The following B4GALNT2 variants were observed in gnomAD, a reference collection of about 807,000 sequenced individuals.
B4GALNT2 encodes the protein N-acetylneuraminylgalactosylglucosyl-glucoside beta-1,4-N- acetylgalactosaminyltransferase 2.
In B4GALNT2, 42 loss-of-function variants were observed where a neutral mutation model predicts 51.1. The observed-to-expected ratio is 0.82, with a 90% CI of 0.64 to 1.06. The LOEUF (loss-of-function observed/expected upper bound fraction) is 1.06, where lower values mean the gene tolerates loss of function less well. B4GALNT2 is among the 50% of genes least tolerant of loss of function. The pLI is 0.00. For missense variants in B4GALNT2, 602 were observed against 633.6 expected, an observed-to-expected ratio of 0.95 and a Z score of 0.54; for synonymous variants, 253 against 251.7, an observed-to-expected ratio of 1.01 and a Z score of -0.05.
chr17:49,157,148 T>G (rs1438610181), intron 5 of B4GALNT2, among the ~76,000 whole-genome samples: 1 of 151,804 alleles, frequency 6.6e-6, no homozygotes, highest in East Asian at 1.9e-4. Flanking sequence ...CACCATGGAG[T>G]TCTTGTTTCT....
chr17:49,159,641 G>A (rs897562570), intron 6 of B4GALNT2, among the ~76,000 whole-genome samples: 1 of 152,118 alleles, frequency 6.6e-6, no homozygotes, highest in African/African-American at 2.4e-5. Flanking sequence ...CGTCTGGCCT[G>A]CCTGCCTGCT....
intron 3 of B4GALNT2, among the ~76,000 whole-genome samples, chr17:49,147,997 A>T (rs921492238): frequency 2.0e-5 from 3 of 150,646 alleles, no homozygotes; most frequent in African/African-American, 7.4e-5. Context: ...TCAGATTATA[A>T]GTTTATTCAA....
At chr17:49,132,872 C>A in intron 1 of B4GALNT2, 66 bp downstream of exon 1, 1 of 1,368,836 alleles carries the variant, frequency 7.3e-7, no homozygotes, top group East Asian at 3.1e-5. Flanking sequence ...GCCGCGGGTC[C>A]TTTCTGGCGT....
At chr17:49,160,166 A>G (rs2144326783) in intron 6 of B4GALNT2, among the ~76,000 whole-genome samples, 1 of 152,352 alleles carries the variant, frequency 6.6e-6, no homozygotes, top group African/African-American at 2.4e-5. Context: ...CCCTACCTTC[A>G]GATTTTCAAA....
intron 9 of B4GALNT2, 83 bp from the exon 10 acceptor site, chr17:49,168,598 G>A (rs868363658): frequency 3.2e-6 from 4 of 1,266,182 alleles, no homozygotes; most frequent in Non-Finnish European, 4.5e-6. Flanking sequence ...TATAACCGAG[G>A]TGCAGTCCAG....
chr17:49,155,973 C>T (rs996502608), intron 4 of B4GALNT2, among the ~76,000 whole-genome samples: 1 of 152,014 alleles, frequency 6.6e-6, no homozygotes, highest in Non-Finnish European at 1.5e-5. Context: ...GTGATCCGCC[C>T]GCCTCGGCCT....
At chr17:49,162,560 A>G (rs2042874429) in intron 7 of B4GALNT2, among the ~76,000 whole-genome samples, 1 of 152,094 alleles carries the variant, frequency 6.6e-6, no homozygotes, top group Admixed American at 6.5e-5. Flanking sequence ...TCCTACAGAT[A>G]TTTATATCTG....
At chr17:49,161,010 C>T (rs924021583) in intron 7 of B4GALNT2, among the ~76,000 whole-genome samples, 3 of 152,166 alleles carry the variant, frequency 2.0e-5, no homozygotes, top group East Asian at 3.8e-4. Flanking sequence ...CGCAGTGACT[C>T]ATGCCTGTAA....
intron 1 of B4GALNT2, among the ~76,000 whole-genome samples, chr17:49,138,097 G>C (rs1281064940): frequency 6.6e-6 from 1 of 152,166 alleles, no homozygotes; most frequent in Non-Finnish European, 1.5e-5. Context: ...TTTTAGTTCT[G>C]TGTGATACTA....
chr17:49,167,262 C>T (rs936479886), intron 9 of B4GALNT2, among the ~76,000 whole-genome samples: 1 of 152,198 alleles, frequency 6.6e-6, no homozygotes, highest in Non-Finnish European at 1.5e-5. Flanking sequence ...CCTTTGGTCC[C>T]TGGCTGCATG....
chr17:49,171,535 C>T lies in B4GALNT2; in HGVS notation c.*1807C>T, dbSNP rs2042957615. ...ACAGACATTAATAGTTTCCACAAAT[C>T]CTTATGTTTAGCTTCTACAGTGGAC... On this transcript the variant is annotated 3_prime_UTR_variant, in exon 11 of 11. Coordinates refer to ENST00000393354, the MANE Select transcript of B4GALNT2 (RefSeq NM_001159387.2). The T allele has an allele frequency of 2.4e-6, 1 of 411,740 alleles. No individual in the cohort carries two copies. The highest frequency in any genetic ancestry group is 4.7e-6 in the Non-Finnish European group (1 of 213,344). 25.5% of individuals were successfully genotyped at this position (411,740 alleles called of 1,614,324 possible). A position where few individuals can be genotyped will look rare whatever the true frequency, so the allele number is the denominator to read the frequency against.
chr17:49,122,589 A>C, the B4GALNT2 span, among the ~76,000 whole-genome samples: 1 of 152,308 alleles, frequency 6.6e-6, no homozygotes, highest in Admixed American at 6.5e-5. Context: ...CCAAACCAAT[A>C]ATCTATTTGG....
Position 49,155,440 on chromosome 17 carries a change from T to C in B4GALNT2, c.461-1126T>C, listed in dbSNP as rs550839885. 2.0e-5 allele frequency among the ~76,000 whole-genome samples: 3 copies of C among 150,028 alleles called. No homozygotes were observed. In the Admixed American group the frequency reaches 2.0e-4, roughly 10 times the overall value. On this transcript the variant is annotated intron_variant, in intron 4 of 10. Transcript: ENST00000393354. Reference sequence around the variant, plus strand: ...CAACATGGTGAAACCCCATCTCCACTAAAAATCGAAAATTTGTCGAATGTG... The same window carrying C: ...CAACATGGTGAAACCCCATCTCCACCAAAAATCGAAAATTTGTCGAATGTG...
chr17:49,140,127 A>ATC (rs903715498), intron 1 of B4GALNT2, among the ~76,000 whole-genome samples: 2 of 150,822 alleles, frequency 1.3e-5, no homozygotes, highest in Non-Finnish European at 1.5e-5. Flanking sequence ...TTGAGACAGA[A>ATC]TCTCTCTCTC....
At position 49,133,929 on chromosome 17, in the gene B4GALNT2, CA is replaced by C. The variant is rs1047852076; in HGVS notation, c.14+1127del. Among the ~76,000 whole-genome samples the C allele has an allele frequency of 4.7e-5, 7 of 150,436 alleles. No homozygotes were observed. In the South Asian group the frequency reaches 8.3e-4, roughly 18 times the overall value. On this transcript the variant is annotated intron_variant, in intron 1 of 10. Coordinates refer to ENST00000393354, the MANE Select transcript of B4GALNT2 (RefSeq NM_001159387.2). Reference sequence around the variant, plus strand: ...TCTGTCTCAAAAACAAACAAACAAACAAAACAAACAAACAAACAAACAAAAA... The same window carrying C: ...TCTGTCTCAAAAACAAACAAACAAACAAACAAACAAACAAACAAACAAAAA...
rs747848993 is a variant in B4GALNT2, at chr17:49,164,288, C to T, written c.954+13C>T. 9 of 1,603,304 alleles carry T rather than the reference C, an allele frequency of 5.6e-6. No homozygotes were observed. The highest frequency in any genetic ancestry group is 6.8e-6 in the Non-Finnish European group (8 of 1,170,652). On this transcript the variant is annotated intron_variant, in intron 8 of 10. Transcript: ENST00000393354. ...GCCCTTTGGGAAGGTATGTCCCTCTCAGATTGGGTGGCACCTGCATTCCAG... is the reference window on the plus strand; with the variant it reads ...GCCCTTTGGGAAGGTATGTCCCTCTTAGATTGGGTGGCACCTGCATTCCAG...
upstream of B4GALNT2, chr17:49,132,620 A>G (rs1290938773): frequency 4.3e-5 from 28 of 644,286 alleles, no homozygotes; most frequent in African/African-American, 9.7e-5. Context: ...CAGGGTAGAG[A>G]TGGGGGCGCT....
chr17:49,155,297 C>CAAAA (rs34869721), intron 4 of B4GALNT2, among the ~76,000 whole-genome samples: 3 of 54,164 alleles, frequency 5.5e-5, no homozygotes, highest in South Asian at 1.4e-3. Flanking sequence ...GATTCAGTCT[C>CAAAA]AAAAAAAAAA....
chr17:49,168,606 C>A, intron 9 of B4GALNT2, 75 bp from the exon 10 acceptor site: 2 of 1,369,074 alleles, frequency 1.5e-6, no homozygotes, highest in South Asian at 1.3e-5. Flanking sequence ...AGGTGCAGTC[C>A]AGCGAGTCTT....
Sources: gnomAD v4.1 joint callset for allele counts (sites outside exome capture counted in the v4.1 genomes callset) on GRCh38, gnomAD v4.1.1 for gene constraint, MANE v1.5 for transcripts, NCBI Gene and HGNC (gene_info 2026-07-23, HGNC 2026-07-21) for gene names.